PIK3CB: variants seen among roughly 807,000 people sequenced by gnomAD.
PIK3CB encodes phosphatidylinositol-4,5-bisphosphate 3-kinase catalytic subunit beta.
In PIK3CB, 39 loss-of-function variants were observed where a neutral mutation model predicts 136.8. The ratio of observed to expected loss-of-function variants is 0.29; its 90% CI spans 0.22 to 0.37. The LOEUF (loss-of-function observed/expected upper bound fraction) is 0.37. PIK3CB is among the 10% of genes least tolerant of loss of function. The probability of loss-of-function intolerance (pLI) is 1.00; values close to 1 mark genes in which losing one functional copy is unlikely to be tolerated. For missense variants in PIK3CB, 868 were observed against 1,275.4 expected (o/e 0.68, Z 4.87); for synonymous variants, 428 against 436.6 (o/e 0.98, Z 0.25).
chr3:138,832,760 C>CG (rs1176496313), intron 1 of PIK3CB, among the ~76,000 whole-genome samples: 1 of 137,646 alleles, frequency 7.3e-6, no homozygotes, highest in Admixed American at 8.0e-5. Context: ...ACCCGGGAGG[C>CG]GGAGGTTGCG....
chr3:138,814,552 T>C (rs1202040972), intron 1 of PIK3CB, among the ~76,000 whole-genome samples: 1 of 152,068 alleles, frequency 6.6e-6, no homozygotes, highest in African/African-American at 2.4e-5. Context: ...CTCCTATTCT[T>C]TATTCCTCTC....
chr3:138,667,034 C>A (rs1271866488), intron 19 of PIK3CB, among the ~76,000 whole-genome samples: 8 of 151,926 alleles, frequency 5.3e-5, no homozygotes, highest in Non-Finnish European at 8.8e-5. Flanking sequence ...CATGGTGAAA[C>A]CCTGTCTCTA....
intron 2 of PIK3CB, among the ~76,000 whole-genome samples, chr3:138,781,378 T>G (rs1364194425): frequency 2.6e-5 from 4 of 151,298 alleles, no homozygotes; most frequent in Non-Finnish European, 5.9e-5. Flanking sequence ...CTTTAGGAGA[T>G]GGAGGTAGGA....
At chr3:138,811,319 G>A (rs1933037913) in intron 1 of PIK3CB, among the ~76,000 whole-genome samples, 2 of 151,052 alleles carry the variant, frequency 1.3e-5, no homozygotes, top group Non-Finnish European at 2.9e-5. Context: ...TATTATTGTG[G>A]GAAAAAAATA....
chr3:138,806,997 C>T (rs75108062), intron 1 of PIK3CB, among the ~76,000 whole-genome samples: 4,710 of 152,262 alleles, frequency 0.031, 244 homozygotes, highest in African/African-American at 0.11. Context: ...TATATGCATA[C>T]ATATGGATGT....
At chr3:138,774,136 A>G (rs1171949913) in intron 2 of PIK3CB, among the ~76,000 whole-genome samples, 1 of 152,342 alleles carries the variant, frequency 6.6e-6, no homozygotes, top group Non-Finnish European at 1.5e-5. Flanking sequence ...AATACCCAAC[A>G]TGTAATTGTA....
chr3:138,677,198 T>C (rs1412218065), intron 19 of PIK3CB, among the ~76,000 whole-genome samples: 4 of 152,092 alleles, frequency 2.6e-5, no homozygotes, highest in African/African-American at 9.7e-5. Context: ...TAGCTGGGAT[T>C]ACAGGGATGT....
intron 1 of PIK3CB, among the ~76,000 whole-genome samples, chr3:138,833,247 G>C (rs1341375989): frequency 6.6e-6 from 1 of 151,586 alleles, no homozygotes; most frequent in African/African-American, 2.4e-5. Flanking sequence ...TTGTGTTTTT[G>C]GTAGAGACGG....
chr3:138,662,883 T>C (rs921715778), intron 21 of PIK3CB, among the ~76,000 whole-genome samples: 1 of 152,234 alleles, frequency 6.6e-6, no homozygotes, highest in Non-Finnish European at 1.5e-5. Context: ...CATTTTTTCA[T>C]GTGTCTGTTG....
At chr3:138,802,999 T>A (rs866015185) in intron 1 of PIK3CB, among the ~76,000 whole-genome samples, 1 of 152,202 alleles carries the variant, frequency 6.6e-6, no homozygotes, top group Non-Finnish European at 1.5e-5. Context: ...AAAAATCTTA[T>A]GATAAATTGA....
chr3:138,830,793 T>C (rs1026588800), intron 1 of PIK3CB, among the ~76,000 whole-genome samples: 6 of 150,926 alleles, frequency 4.0e-5, no homozygotes, highest in Non-Finnish European at 8.9e-5. Flanking sequence ...TCCCAGCTAC[T>C]TGGGAGGCTG....
At chr3:138,711,246 A>G (rs1397434548) in intron 10 of PIK3CB, among the ~76,000 whole-genome samples, 1 of 151,488 alleles carries the variant, frequency 6.6e-6, no homozygotes, top group Non-Finnish European at 1.5e-5. Flanking sequence ...CCTACAAAAA[A>G]TGCTGAAAGC....
intron 1 of PIK3CB, among the ~76,000 whole-genome samples, chr3:138,831,861 G>A (rs1934054930): frequency 6.6e-6 from 1 of 152,078 alleles, no homozygotes; most frequent in African/African-American, 2.4e-5. Flanking sequence ...GGAGGTCACA[G>A]TGAGCAGAGA....
At chr3:138,765,215 C>G (rs361069) in intron 2 of PIK3CB, among the ~76,000 whole-genome samples, 90,628 of 151,974 alleles carry the variant, frequency 0.6, 27,846 homozygotes, top group East Asian at 0.98. Flanking sequence ...TACTCAGGAG[C>G]CTGAGGCAGG....
intron 21 of PIK3CB, among the ~76,000 whole-genome samples, chr3:138,659,482 A>G (rs2108398043): frequency 6.6e-6 from 1 of 151,616 alleles, no homozygotes; most frequent in Admixed American, 6.6e-5. Flanking sequence ...ACGCCACTGC[A>G]CTCCAGCCTG....
chr3:138,760,785 T>C (rs950318456), intron 2 of PIK3CB, among the ~76,000 whole-genome samples: 12 of 152,138 alleles, frequency 7.9e-5, no homozygotes, highest in African/African-American at 2.9e-4. Flanking sequence ...TGCATACCTG[T>C]AGTCCCAGCT....
rs1577030543 is a variant in PIK3CB at position 138,654,307 on chromosome 3, A to C, written c.*1082T>G. The C allele has an allele frequency of 1.4e-5, 3 of 217,988 alleles. No homozygotes were observed. In the East Asian group the frequency reaches 2.0e-4, roughly 15 times the overall value. 13.5% of individuals were successfully genotyped at this position (217,988 alleles called of 1,614,324 possible). A position where few individuals can be genotyped will look rare whatever the true frequency, so the allele number is the denominator to read the frequency against. On this transcript the variant is annotated 3_prime_UTR_variant, in exon 24 of 24. Coordinates refer to ENST00000674063, the MANE Select transcript of PIK3CB (RefSeq NM_006219.3). ...ACATTACTTGCCCCTAGCACCCTAA[A>C]TATATGGTACCTCAACAAATAACTT...
chr3:138,747,140 A>C (rs2045378053), intron 4 of PIK3CB, among the ~76,000 whole-genome samples: 1 of 123,898 alleles, frequency 8.1e-6, no homozygotes, highest in African/African-American at 3.0e-5. Context: ...ATCACAGCAC[A>C]CTAGTACCTA....
intron 1 of PIK3CB, among the ~76,000 whole-genome samples, chr3:138,809,606 CA>C (rs57717750): frequency 8.8e-5 from 10 of 113,622 alleles, no homozygotes; most frequent in South Asian, 3.1e-4. Context: ...GACTTTGCCT[CA>C]AAAAAAAAAA....
Sources: allele counts gnomAD v4.1 joint callset (sites outside exome capture counted in the v4.1 genomes callset), GRCh38; gene constraint gnomAD v4.1.1; transcripts MANE v1.5; gene names NCBI Gene and HGNC (gene_info 2026-07-23, HGNC 2026-07-21).